The following SLC14A2 variants were observed in gnomAD, a reference collection of about 807,000 sequenced individuals.
SLC14A2 encodes solute carrier family 14 member 2, also known as urea transporter 2.
Under a neutral mutation model 104.6 loss-of-function variants are expected in SLC14A2, and 91 were observed. The observed-to-expected ratio is 0.87, with a 90% confidence interval of 0.73 to 1.04. The LOEUF (loss-of-function observed/expected upper bound fraction) is 1.04. SLC14A2 is among the 50% of genes least tolerant of loss of function. The probability of loss-of-function intolerance (pLI) is 0.00; values close to 1 mark genes in which losing one functional copy is unlikely to be tolerated. For synonymous variants in SLC14A2, 476 were observed against 466.4 expected, an observed-to-expected ratio of 1.02 and a Z score of -0.27; for missense variants, 1,189 against 1,156.0, an observed-to-expected ratio of 1.03 and a Z score of -0.41.
At chr18:45,436,913 T>C (rs2086604917) in intron 1 of SLC14A2, among the ~76,000 whole-genome samples, 1 of 152,158 alleles carries the variant, frequency 6.6e-6, no homozygotes, top group East Asian at 1.9e-4. Context: ...TCCACTGAAC[T>C]GAGATTCAAA....
chr18:45,441,677 A>AG (rs1358327353), intron 1 of SLC14A2, among the ~76,000 whole-genome samples: 2 of 152,236 alleles, frequency 1.3e-5, no homozygotes, highest in Non-Finnish European at 2.9e-5. Context: ...CCAGAGGGCA[A>AG]GGAGGTACTC....
At chr18:45,441,595 C>A (rs1163925961) in intron 1 of SLC14A2, among the ~76,000 whole-genome samples, 1 of 152,202 alleles carries the variant, frequency 6.6e-6, no homozygotes, top group Admixed American at 6.5e-5. Flanking sequence ...CAACTTTTCT[C>A]TGTGTTTGTG....
intron 1 of SLC14A2, among the ~76,000 whole-genome samples, chr18:45,363,065 C>T (rs1781714519): frequency 6.6e-6 from 1 of 152,140 alleles, no homozygotes; most frequent in Non-Finnish European, 1.5e-5. Flanking sequence ...GTGCAACGAC[C>T]CCCCCAACCC....
At chr18:45,413,609 A>G (rs1598774447) in intron 1 of SLC14A2, among the ~76,000 whole-genome samples, 1 of 152,204 alleles carries the variant, frequency 6.6e-6, no homozygotes, top group East Asian at 1.9e-4. Flanking sequence ...TCATGGCAAC[A>G]TTGTAGATTT....
At chr18:45,169,713 G>A in the SLC14A2 span, among the ~76,000 whole-genome samples, 13,128 of 152,168 alleles carry the variant, frequency 0.086, 735 homozygotes, top group South Asian at 0.14. Flanking sequence ...TCCCACAGTG[G>A]CTTCTTTACC....
chr18:45,263,325 G>C (rs879745404), intron 1 of SLC14A2, among the ~76,000 whole-genome samples: 1 of 152,192 alleles, frequency 6.6e-6, no homozygotes, highest in Non-Finnish European at 1.5e-5. Context: ...TCTTCTCAGC[G>C]TATAAGATCA....
chr18:45,620,152 TG>T (rs2045141240), intron 1 of SLC14A2, among the ~76,000 whole-genome samples: 1 of 152,064 alleles, frequency 6.6e-6, no homozygotes, highest in Admixed American at 6.5e-5. Context: ...CTAGAGGAGG[TG>T]CAAGGCCCTG....
chr18:45,649,003 C>G (rs1173190049), intron 10 of SLC14A2, among the ~76,000 whole-genome samples: 1 of 152,084 alleles, frequency 6.6e-6, no homozygotes, highest in Non-Finnish European at 1.5e-5. Context: ...AACCCTGTCT[C>G]TACTAAAAAT....
chr18:45,317,920 C>T (rs1599670234), intron 1 of SLC14A2, among the ~76,000 whole-genome samples: 1 of 152,184 alleles, frequency 6.6e-6, no homozygotes, highest in African/African-American at 2.4e-5. Context: ...TGATGAGGCT[C>T]ATGCTTCATG....
chr18:45,449,078 A>G (rs2144606020), intron 1 of SLC14A2, among the ~76,000 whole-genome samples: 1 of 152,330 alleles, frequency 6.6e-6, no homozygotes, highest in South Asian at 2.1e-4. Context: ...AGAATCACTC[A>G]AGAGTGGGAT....
chr18:45,546,805 A>G (rs1011902675), intron 2 of SLC14A2, among the ~76,000 whole-genome samples: 2 of 152,172 alleles, frequency 1.3e-5, no homozygotes, highest in African/African-American at 2.4e-5. Context: ...CACATTGCAC[A>G]TTGCCAGGCA....
intron 1 of SLC14A2, among the ~76,000 whole-genome samples, chr18:45,355,304 G>C (rs560384342): frequency 2.0e-4 from 31 of 152,022 alleles, no homozygotes; most frequent in Non-Finnish European, 1.6e-4. Flanking sequence ...GGCCTGGCGC[G>C]GTGGCTCACA....
intron 1 of SLC14A2, among the ~76,000 whole-genome samples, chr18:45,441,617 G>C (rs571967062): frequency 1.3e-5 from 2 of 152,200 alleles, no homozygotes; most frequent in Non-Finnish European, 2.9e-5. Context: ...GCATGCACAC[G>C]TGCACGCATG....
intron 10 of SLC14A2, among the ~76,000 whole-genome samples, chr18:45,644,740 G>A (rs1003012797): frequency 2.0e-5 from 3 of 152,094 alleles, no homozygotes; most frequent in Non-Finnish European, 4.4e-5. Flanking sequence ...TCTTTGTAAG[G>A]GGCAAGGCGA....
chr18:45,302,856 C>T (rs1042374364), intron 1 of SLC14A2, among the ~76,000 whole-genome samples: 1 of 151,954 alleles, frequency 6.6e-6, no homozygotes, highest in African/African-American at 2.4e-5. Flanking sequence ...TGATGAATAT[C>T]CAAATTGCAT....
intron 1 of SLC14A2, among the ~76,000 whole-genome samples, chr18:45,344,547 G>A (rs1049251730): frequency 2.0e-5 from 3 of 152,198 alleles, no homozygotes; most frequent in African/African-American, 7.2e-5. Flanking sequence ...GACACTTAGA[G>A]CAGGGTCTAG....
chr18:45,173,913 C>T, the SLC14A2 span, among the ~76,000 whole-genome samples: 2 of 152,102 alleles, frequency 1.3e-5, no homozygotes, highest in Non-Finnish European at 2.9e-5. Flanking sequence ...TCTCAGGACA[C>T]ATAGCTAATA....
At chr18:45,577,490 A>G (rs2044432550) in intron 2 of SLC14A2, among the ~76,000 whole-genome samples, 1 of 152,188 alleles carries the variant, frequency 6.6e-6, no homozygotes, top group Non-Finnish European at 1.5e-5. Context: ...TAAAACCAGC[A>G]ATCTTTCATA....
At chr18:45,575,613 C>T (rs1198219325) in intron 2 of SLC14A2, among the ~76,000 whole-genome samples, 7 of 152,172 alleles carry the variant, frequency 4.6e-5, no homozygotes, top group Non-Finnish European at 8.8e-5. Context: ...TAAAGAACAC[C>T]GCATTTTGCT....
Sources: allele counts gnomAD v4.1 joint callset (sites outside exome capture counted in the v4.1 genomes callset), GRCh38; gene constraint gnomAD v4.1.1; transcripts MANE v1.5; gene names NCBI Gene and HGNC (gene_info 2026-07-23, HGNC 2026-07-21).